TUBGCP2: variants seen among roughly 807,000 people sequenced by gnomAD.
TUBGCP2 encodes gamma-tubulin complex component 2.
In TUBGCP2, 55 loss-of-function variants were observed where a neutral mutation model predicts 92.2. That is an observed-to-expected ratio of 0.60 (90% confidence interval 0.48 to 0.75). The LOEUF (loss-of-function observed/expected upper bound fraction) is 0.75. Ranked by LOEUF, TUBGCP2 falls within the 30% of genes least tolerant of loss-of-function variation. TUBGCP2 has a pLI of 0.00. For missense variants in TUBGCP2, 1,093 were observed against 1,188.9 expected, an observed-to-expected ratio of 0.92 and a Z score of 1.19; for synonymous variants, 533 against 505.2, an observed-to-expected ratio of 1.06 and a Z score of -0.74.
intron 15 of TUBGCP2, among the ~76,000 whole-genome samples, 166 bp from the exon 16 acceptor site, chr10:133,282,508 C>T (rs535463415): frequency 2.0e-5 from 3 of 152,316 alleles, no homozygotes; most frequent in East Asian, 3.9e-4. Flanking sequence ...TTATCTGTGC[C>T]GACAGAATTC....
At chr10:133,302,400 C>T (rs879895611) in intron 2 of TUBGCP2, 4 of 282,868 alleles carry the variant, frequency 1.4e-5, no homozygotes, top group Admixed American at 4.7e-5. Flanking sequence ...CACCCTGCAC[C>T]CTGCACCAGA....
chr10:133,306,730 G>A (rs1258049246), intron 1 of TUBGCP2, among the ~76,000 whole-genome samples: 1 of 152,200 alleles, frequency 6.6e-6, no homozygotes, highest in Non-Finnish European at 1.5e-5. Context: ...GGAGCTTGCA[G>A]TGAGCCAAGA....
upstream of TUBGCP2, chr10:133,311,740 G>A (rs756019334): frequency 4.3e-6 from 7 of 1,613,474 alleles, no homozygotes; most frequent in Admixed American, 1.0e-4. Context: ...AAGCCCCAGG[G>A]GACAGTGGAG....
chr10:133,292,596 G>A lies in TUBGCP2; in HGVS notation c.1117C>T (p.Gln373Ter). 1 of 1,614,206 alleles carries A rather than the reference G, an allele frequency of 6.2e-7. No individual in the cohort carries two copies. The highest frequency in any genetic ancestry group is 8.5e-7 in the Non-Finnish European group (1 of 1,180,038). Residue 373 changes from glutamine to a stop codon, truncating the protein, a stop_gained, in exon 8 of 18, where the codon CAG (glutamine) becomes TAG (stop). Coordinates refer to ENST00000252936, the MANE Select transcript of TUBGCP2 (RefSeq NM_006659.4). LOFTEE classifies it high-confidence loss of function. Reference protein sequence around the residue: ...SFSYTGDSQAQELCLYLTKAA... With the variant: ...SFSYTGDSQA Reference sequence around the variant, plus strand: ...TTGGTTAGGTACAGGCATAGCTCCTGCGCCTGGCTGTCCCCTGTGTAGCTG... The same window carrying A: ...TTGGTTAGGTACAGGCATAGCTCCTACGCCTGGCTGTCCCCTGTGTAGCTG...
At chr10:133,298,200 C>T (rs565940906) in intron 4 of TUBGCP2, 89 bp from the exon 5 acceptor site, 21 of 1,390,714 alleles carry the variant, frequency 1.5e-5, no homozygotes, top group African/African-American at 1.3e-4. Context: ...CTAGCATCTA[C>T]GGCAAAGATG....
intron 16 of TUBGCP2, 35 bp from the exon 17 acceptor site, chr10:133,281,471 AC>A: frequency 6.2e-7 from 1 of 1,601,294 alleles, no homozygotes. Flanking sequence ...AGCCATGCCC[AC>A]CCCCACCGTG....
intron 8 of TUBGCP2, among the ~76,000 whole-genome samples, chr10:133,291,315 G>T (rs1589827444): frequency 2.9e-5 from 2 of 67,906 alleles, no homozygotes; most frequent in Admixed American, 3.3e-4. Context: ...TACCTGTACG[G>T]GAGAGGGCAG....
intron 1 of TUBGCP2, among the ~76,000 whole-genome samples, chr10:133,305,928 G>A (rs1280959955): frequency 1.3e-5 from 2 of 152,208 alleles, no homozygotes; most frequent in Non-Finnish European, 2.9e-5. Context: ...GTGGGACCCT[G>A]AACAAGGACA....
Position 133,283,864 on chromosome 10 carries a change from T to C in TUBGCP2, c.2145+18A>G, listed in dbSNP as rs764079256. 4 of 1,612,990 alleles carry C rather than the reference T, an allele frequency of 2.5e-6. No individual in the cohort carries two copies. The highest frequency in any genetic ancestry group is 3.4e-6 in the Non-Finnish European group (4 of 1,179,396). ...AAAGTGGCTTTCAAACGTTATTATCTGTGGAGCTAAAACTCACGGATTTCA... is the reference window on the plus strand; with the variant it reads ...AAAGTGGCTTTCAAACGTTATTATCCGTGGAGCTAAAACTCACGGATTTCA... On this transcript the variant is annotated intron_variant, in intron 14 of 17. Transcript: ENST00000252936.
At chr10:133,297,457 A>G in intron 5 of TUBGCP2, 2 of 443,970 alleles carry the variant, frequency 4.5e-6, no homozygotes, top group Non-Finnish European at 8.9e-6. Flanking sequence ...AGATGAACAC[A>G]TCCCAGGTCC....
chr10:133,302,866 C>G lies in TUBGCP2; in HGVS notation c.76G>C (p.Glu26Gln), dbSNP rs752559618. ...LLRVHGGDGA[E>Q]VYIDLLQKNR... is the part of the protein sequence containing the mutation. Reference sequence around the variant, plus strand: ...TTTTGAAGCAGGTCAATGTAGACCTCAGCCCCATCTCCTCCGTGGACACGC... The same window carrying G: ...TTTTGAAGCAGGTCAATGTAGACCTGAGCCCCATCTCCTCCGTGGACACGC... Residue 26 changes from glutamate (E) to glutamine (Q), a missense_variant, in exon 2 of 18, where the codon GAG becomes CAG. This residue lies in a region of TUBGCP2 where 490 missense variants were observed against 488.5 expected (regional missense o/e 1.00). Transcript: ENST00000252936. 1 of 1,613,986 alleles carries G rather than the reference C, an allele frequency of 6.2e-7. No homozygotes were observed. The highest frequency in any genetic ancestry group is 1.1e-5 in the South Asian group (1 of 91,084).
At chr10:133,299,838 C>A in intron 3 of TUBGCP2, 147 bp downstream of exon 3, 2 of 1,193,268 alleles carry the variant, frequency 1.7e-6, no homozygotes, top group Non-Finnish European at 2.3e-6. Flanking sequence ...TTCTGATTCA[C>A]CAAAAATTTC....
intron 9 of TUBGCP2, among the ~76,000 whole-genome samples, chr10:133,289,329 C>G (rs976654549): frequency 6.6e-6 from 1 of 152,224 alleles, no homozygotes; most frequent in East Asian, 1.9e-4. Flanking sequence ...GAAATAATTT[C>G]GAACAGGCAT....
chr10:133,289,175 G>A (rs1847209877), intron 9 of TUBGCP2, among the ~76,000 whole-genome samples, 155 bp from the exon 10 acceptor site: 4 of 152,362 alleles, frequency 2.6e-5, no homozygotes, highest in Non-Finnish European at 4.4e-5. Context: ...ACAGAAGGCA[G>A]TGGAATGGAA....
upstream of TUBGCP2, chr10:133,309,487 C>A: frequency 6.2e-7 from 1 of 1,607,062 alleles, no homozygotes; most frequent in Non-Finnish European, 8.5e-7. Context: ...CAGTGCCTAG[C>A]CAGTGCTACT....
At chr10:133,309,213 T>A, upstream of TUBGCP2, 1 of 1,304,046 alleles carries the variant, frequency 7.7e-7, no homozygotes, top group South Asian at 1.6e-5. Context: ...GGCCGGAGCC[T>A]GGGACAGGCG....
At chr10:133,310,516 C>A, upstream of TUBGCP2, 1 of 567,446 alleles carries the variant, frequency 1.8e-6, no homozygotes, top group Non-Finnish European at 3.1e-6. Context: ...CAGCTCTGTG[C>A]CGGTGGAGGC....
intron 9 of TUBGCP2, 90 bp from the exon 10 acceptor site, chr10:133,289,110 A>C: frequency 7.1e-7 from 1 of 1,418,304 alleles, no homozygotes; most frequent in African/African-American, 1.4e-5. Context: ...AGTGGAATGG[A>C]CATTGAATGG....
rs535987318 is a variant in TUBGCP2 at position 133,299,935 on chromosome 10, C to T, written c.279+50G>A. The stretch of plus-strand genomic sequence containing the variant: ...AGTGAGCAGGAGACGCGACCCCACT[C>T]CCAACATGGGCCGTACGGGCGCAGT... On this transcript the variant is annotated intron_variant, in intron 3 of 17. Coordinates refer to ENST00000252936, the MANE Select transcript of TUBGCP2 (RefSeq NM_006659.4). 70 of 1,598,318 alleles carry T rather than the reference C, an allele frequency of 4.4e-5. 3 individuals are homozygous for T. The Admixed American group carries it at 1.0e-3, about 23-fold the overall frequency.
Sources: allele counts gnomAD v4.1 joint callset (sites outside exome capture counted in the v4.1 genomes callset), GRCh38; gene constraint gnomAD v4.1.1; regional missense constraint gnomAD v4.1.1; transcripts MANE v1.5; gene names NCBI Gene and HGNC (gene_info 2026-07-23, HGNC 2026-07-21).